Variants in PPP2R5E observed in about 807,000 individuals in gnomAD.
PPP2R5E encodes protein phosphatase 2 regulatory subunit B'epsilon.
Under a neutral mutation model 65.3 loss-of-function variants are expected in PPP2R5E, and 4 were observed. That is an observed-to-expected ratio of 0.06 (90% CI 0.03 to 0.14). The LOEUF (loss-of-function observed/expected upper bound fraction) is 0.14. Among genes scored for constraint, PPP2R5E ranks in the 10% least tolerant of loss-of-function variants. PPP2R5E has a pLI of 1.00. For missense variants in PPP2R5E, 274 were observed against 556.1 expected (o/e 0.49, Z 5.10); for synonymous variants, 183 against 187.4 (o/e 0.98, Z 0.19).
intron 1 of PPP2R5E, among the ~76,000 whole-genome samples, chr14:63,541,757 T>C (rs567556769): frequency 6.6e-6 from 1 of 152,300 alleles, no homozygotes; most frequent in Non-Finnish European, 1.5e-5. Flanking sequence ...AACAAAAACA[T>C]TTTAAAACAC....
chr14:63,412,677 C>T (rs1201218197), intron 5 of PPP2R5E, among the ~76,000 whole-genome samples: 1 of 152,134 alleles, frequency 6.6e-6, no homozygotes, highest in Non-Finnish European at 1.5e-5. Context: ...TTAGTAATAC[C>T]AGAAAACTTC....
chr14:63,456,933 A>C (rs2139491655), intron 2 of PPP2R5E, among the ~76,000 whole-genome samples: 1 of 152,362 alleles, frequency 6.6e-6, no homozygotes, highest in Middle Eastern at 3.4e-3. Flanking sequence ...CCTTTATCAT[A>C]AACTAAATTC....
intron 2 of PPP2R5E, among the ~76,000 whole-genome samples, chr14:63,535,859 T>C (rs1264870187): frequency 6.6e-6 from 1 of 152,242 alleles, no homozygotes; most frequent in African/African-American, 2.4e-5. Flanking sequence ...CTGGTTTCTC[T>C]TAAGGCAATG....
chr14:63,483,576 C>T (rs1890819066), intron 2 of PPP2R5E, among the ~76,000 whole-genome samples: 1 of 152,020 alleles, frequency 6.6e-6, no homozygotes. Flanking sequence ...GGAAAGAGGG[C>T]GCCACTAGAG....
At chr14:63,452,546 C>G (rs571298306) in intron 3 of PPP2R5E, 1 of 152,320 alleles carries the variant, frequency 6.6e-6, no homozygotes, top group East Asian at 1.9e-4. Context: ...GGTTGAGAAG[C>G]ACTGCTCAAG....
At chr14:63,392,390 A>G (rs940425684) in intron 8 of PPP2R5E, among the ~76,000 whole-genome samples, 1 of 152,240 alleles carries the variant, frequency 6.6e-6, no homozygotes, top group Admixed American at 6.5e-5. Context: ...TATCAACAGT[A>G]CTGAGTTTTA....
chr14:63,465,310 T>C (rs1889727998), intron 2 of PPP2R5E, among the ~76,000 whole-genome samples: 1 of 151,814 alleles, frequency 6.6e-6, no homozygotes, highest in South Asian at 2.1e-4. Flanking sequence ...TTCTGAAGTA[T>C]TTCTAGAAAC....
chr14:63,448,787 CAA>C (rs36096050), intron 3 of PPP2R5E, among the ~76,000 whole-genome samples: 52 of 86,554 alleles, frequency 6.0e-4, no homozygotes, highest in Middle Eastern at 6.9e-3. Context: ...AAGACTTCGT[CAA>C]AAAAAAAAAA....
At chr14:63,523,978 C>T (rs1180064489) in intron 2 of PPP2R5E, among the ~76,000 whole-genome samples, 2 of 152,152 alleles carry the variant, frequency 1.3e-5, no homozygotes, top group African/African-American at 4.8e-5. Flanking sequence ...TATATTTCCT[C>T]ATAAGATATG....
Position 63,539,529 on chromosome 14 carries a change from C to T in PPP2R5E, c.157G>A (p.Asp53Asn), listed in dbSNP as rs1477269632. Reference sequence around the variant, plus strand: ...TGCATCACCTGGTCATGAGCCTTACCTTTTAGCAGCGGCAGAGGTGTTAAC... The same window carrying T: ...TGCATCACCTGGTCATGAGCCTTACTTTTTAGCAGCGGCAGAGGTGTTAAC... ...IELTPLPLLKDVPSSEQPELF... is the reference protein window; with the variant it reads ...IELTPLPLLKNVPSSEQPELF... The change falls in exon 2 of 14, where the codon GAC becomes AAC. Residue 53 changes from aspartate (D) to asparagine (N), a missense_variant and splice_region_variant. Asp to Asn is a conservative substitution (Grantham distance 23, BLOSUM62 1). This residue lies in a region of PPP2R5E where 58 missense variants were observed against 64.8 expected (regional missense o/e 0.90). Coordinates refer to ENST00000337537, the MANE Select transcript of PPP2R5E (RefSeq NM_006246.5). 4 of 1,613,004 alleles carry T rather than the reference C, an allele frequency of 2.5e-6. No homozygotes were observed. The highest frequency in any genetic ancestry group is 3.4e-6 in the Non-Finnish European group (4 of 1,179,460).
intron 5 of PPP2R5E, among the ~76,000 whole-genome samples, chr14:63,410,651 C>T (rs145625087): frequency 6.6e-6 from 1 of 152,256 alleles, no homozygotes; most frequent in Non-Finnish European, 1.5e-5. Context: ...AAGTCATCAG[C>T]AGACTAAAGG....
rs945931323 is a variant in PPP2R5E at position 63,403,585 on chromosome 14, CA to C, written c.550-6870del. 8.0e-5 allele frequency among the ~76,000 whole-genome samples: 12 copies of C among 150,294 alleles called. No homozygotes were observed. The East Asian group carries it at 1.4e-3, about 17-fold the overall frequency. On this transcript the variant is annotated intron_variant, in intron 5 of 13. Coordinates refer to ENST00000337537, the MANE Select transcript of PPP2R5E (RefSeq NM_006246.5). ...TGCTGGGATGACTGTGTGGATGGCC[CA>C]GAGTGCCAATTAGAGCAGGATGACC...
intron 3 of PPP2R5E, among the ~76,000 whole-genome samples, chr14:63,422,836 A>C (rs1052310215): frequency 6.6e-6 from 1 of 152,070 alleles, no homozygotes; most frequent in Middle Eastern, 3.4e-3. Flanking sequence ...TAACAGTGAA[A>C]TTTCAGGCTT....
chr14:63,506,545 T>C (rs1892191359), intron 2 of PPP2R5E, among the ~76,000 whole-genome samples: 2 of 152,094 alleles, frequency 1.3e-5, no homozygotes, highest in African/African-American at 4.8e-5. Flanking sequence ...GATACACAAA[T>C]GGCCAGTAAG....
intron 3 of PPP2R5E, among the ~76,000 whole-genome samples, chr14:63,434,192 C>A (rs1887838479): frequency 6.6e-6 from 1 of 151,194 alleles, no homozygotes; most frequent in Non-Finnish European, 1.5e-5. Context: ...TTTGCTTATG[C>A]AAAAAAAATC....
At chr14:63,389,824 A>T in intron 10 of PPP2R5E, 93 bp from the exon 11 acceptor site, 1 of 1,341,242 alleles carries the variant, frequency 7.5e-7, no homozygotes, top group Non-Finnish European at 9.8e-7. Flanking sequence ...GATTATTTTA[A>T]GAAAAATTTA....
intron 3 of PPP2R5E, among the ~76,000 whole-genome samples, chr14:63,424,469 C>T (rs1887216867): frequency 1.3e-5 from 2 of 151,920 alleles, no homozygotes; most frequent in South Asian, 2.1e-4. Context: ...GAGAAAGGGT[C>T]GGCCGGGCGC....
chr14:63,433,419 A>C (rs1240191134), intron 3 of PPP2R5E, among the ~76,000 whole-genome samples: 1 of 152,012 alleles, frequency 6.6e-6, no homozygotes, highest in Non-Finnish European at 1.5e-5. Flanking sequence ...GGCTGGGCTA[A>C]TTCCTTACCA....
chr14:63,531,956 A>AACACACAC (rs150782373), intron 2 of PPP2R5E, among the ~76,000 whole-genome samples: 82 of 150,988 alleles, frequency 5.4e-4, no homozygotes, highest in African/African-American at 1.9e-3. Flanking sequence ...TCCATCTCAA[A>AACACACAC]ACACACACAC....
Sources: allele counts gnomAD v4.1 joint callset (sites outside exome capture counted in the v4.1 genomes callset), GRCh38; gene constraint gnomAD v4.1.1; regional missense constraint gnomAD v4.1.1; transcripts MANE v1.5; gene names NCBI Gene and HGNC (gene_info 2026-07-23, HGNC 2026-07-21).